The following CDC45 variants were observed in gnomAD, a reference collection of about 807,000 sequenced individuals.
CDC45 encodes cell division cycle 45.
CDC45 carries 54 observed loss-of-function variants against 77.8 expected under a neutral mutation model. The observed-to-expected ratio is 0.69, with a 90% CI of 0.56 to 0.87. The LOEUF (loss-of-function observed/expected upper bound fraction) is 0.87, where lower values mean the gene tolerates loss of function less well. Ranked by LOEUF, CDC45 falls within the 40% of genes least tolerant of loss-of-function variation. The pLI is 0.00. For missense variants in CDC45, 649 were observed against 721.6 expected (o/e 0.90, Z 1.15); for synonymous variants, 260 against 272.1 (o/e 0.96, Z 0.44).
At chr22:19,516,792 C>T in intron 16 of CDC45, 25 bp from the exon 17 acceptor site, 1 of 1,611,392 alleles carries the variant, frequency 6.2e-7, no homozygotes, top group Non-Finnish European at 8.5e-7. Context: ...CCGCCTGGCC[C>T]CCGACATGTC....
At chr22:19,489,329 T>TAAGAAAAAAAAAA (rs2090120279) in intron 5 of CDC45, among the ~76,000 whole-genome samples, 1 of 143,060 alleles carries the variant, frequency 7.0e-6, no homozygotes. Flanking sequence ...GGTATTGCTT[T>TAAGAAAAAAAAAA]AAAAAAAAAA....
At chr22:19,492,169 C>A (rs1431893649) in intron 5 of CDC45, among the ~76,000 whole-genome samples, 1 of 152,026 alleles carries the variant, frequency 6.6e-6, no homozygotes, top group Non-Finnish European at 1.5e-5. Context: ...TTCAGTGCAC[C>A]CTCTTTCTCC....
rs564311551 is a variant in CDC45 at position 19,480,027 on chromosome 22, C to T, written c.51+8C>T. The T allele has an allele frequency of 1.5e-5, 25 of 1,613,946 alleles. No homozygotes were observed. The South Asian group carries it at 1.9e-4, about 12-fold the overall frequency. ...GAGGTGGTCCAGAGCCAGGTGACGC[C>T]CAGTCCGGGACCCCCGCCGAGGCCT... On this transcript the variant is annotated splice_region_variant and intron_variant, in intron 1 of 18. Coordinates refer to ENST00000263201, the MANE Select transcript of CDC45 (RefSeq NM_003504.5).
intron 17 of CDC45, 49 bp from the exon 18 acceptor site, chr22:19,518,795 G>A (rs1278703879): frequency 2.0e-6 from 3 of 1,488,998 alleles, no homozygotes; most frequent in East Asian, 2.3e-5. Context: ...GCCCTGTCTT[G>A]TGTTCCCACT....
intron 13 of CDC45, among the ~76,000 whole-genome samples, chr22:19,512,040 C>CA (rs1046401976): frequency 2.6e-5 from 4 of 152,036 alleles, no homozygotes; most frequent in Non-Finnish European, 5.9e-5. Flanking sequence ...AGGCATGTGC[C>CA]ACTGCACCTG....
chr22:19,484,208 A>G (rs1277632130), intron 5 of CDC45, among the ~76,000 whole-genome samples: 1 of 152,236 alleles, frequency 6.6e-6, no homozygotes, highest in East Asian at 1.9e-4. Context: ...ATAGTGGCTT[A>G]TCTGTCCAAT....
chr22:19,505,304 G>A, intron 9 of CDC45, 58 bp from the exon 10 acceptor site: 1 of 1,612,048 alleles, frequency 6.2e-7, no homozygotes, highest in African/African-American at 1.3e-5. Flanking sequence ...CCTAGGCTTA[G>A]GCTGCCTGGT....
At chr22:19,494,566 G>T in intron 6 of CDC45, 184 bp downstream of exon 6, 1 of 1,549,120 alleles carries the variant, frequency 6.5e-7, no homozygotes. Flanking sequence ...TTGTTCGCCG[G>T]TCCCATGAGT....
At chr22:19,479,803 C>A, upstream of CDC45, 2 of 713,958 alleles carry the variant, frequency 2.8e-6, no homozygotes, top group Non-Finnish European at 4.8e-6. Flanking sequence ...CGCTAATGGC[C>A]GCCTCCAATG....
At chr22:19,504,630 G>A (rs924969172) in intron 9 of CDC45, among the ~76,000 whole-genome samples, 1 of 152,126 alleles carries the variant, frequency 6.6e-6, no homozygotes, top group African/African-American at 2.4e-5. Flanking sequence ...ACTGGAGGGT[G>A]AGGGGCTGGA....
At position 19,501,329 on chromosome 22, in the gene CDC45, T is replaced by C. The variant is rs1046776791; in HGVS notation, c.704+2178T>C. Among the ~76,000 whole-genome samples, 4 of 152,314 alleles carry C rather than the reference T, an allele frequency of 2.6e-5. No homozygotes were observed. In the East Asian group the frequency reaches 7.7e-4, roughly 29 times the overall value. ...GTGGCCACTGGGCTCCATTGAAATA[T>C]GGGCTGTTGCTGGTGCCCTGCCTGT... On this transcript the variant is annotated intron_variant, in intron 9 of 18. Coordinates refer to ENST00000263201, the MANE Select transcript of CDC45 (RefSeq NM_003504.5).
At chr22:19,482,579 GC>G (rs1601918982) in intron 3 of CDC45, 110 bp from the exon 4 acceptor site, 3 of 1,202,564 alleles carry the variant, frequency 2.5e-6, no homozygotes, top group Non-Finnish European at 3.5e-6. Context: ...CGTGGGCCTC[GC>G]CACATGTCAG....
Position 19,508,686 on chromosome 22 carries a change from C to T in CDC45, c.1212C>T (p.Leu404=). 1.2e-6 allele frequency: 2 copies of T among 1,613,902 alleles called. No homozygotes were observed. The highest frequency in any genetic ancestry group is 1.7e-4 in the Middle Eastern group (1 of 6,018). The change falls in exon 13 of 19, where the codon CTC becomes CTT. Residue 404 remains leucine (L), a synonymous_variant. Coordinates refer to ENST00000263201, the MANE Select transcript of CDC45 (RefSeq NM_003504.5). ...ACTTCATCCAGGCTCTGGACAGCCT[C>T]TCCAGGTAGCAGGAGGGCTGTGGGT... is the stretch of plus-strand genomic sequence containing the variant. ...TDHFIQALDS[L]SRSNLDKLYH...
chr22:19,485,587 G>T (rs2090054155), intron 5 of CDC45, among the ~76,000 whole-genome samples: 1 of 152,204 alleles, frequency 6.6e-6, no homozygotes, highest in Non-Finnish European at 1.5e-5. Flanking sequence ...AAGGTAGGTT[G>T]TCTTGATGAG....
chr22:19,515,785 T>C (rs143834267), intron 15 of CDC45, among the ~76,000 whole-genome samples: 2 of 152,278 alleles, frequency 1.3e-5, no homozygotes, highest in Non-Finnish European at 2.9e-5. Flanking sequence ...TGACGTGAGG[T>C]AGATGATCTG....
chr22:19,483,978 T>C lies in CDC45; in HGVS notation c.459T>C (p.Pro153=). The C allele has an allele frequency of 1.2e-6, 2 of 1,610,314 alleles. No individual in the cohort carries two copies. The highest frequency in any genetic ancestry group is 1.7e-6 in the Non-Finnish European group (2 of 1,179,228). Residue 153 remains proline (P), a synonymous_variant, in exon 5 of 19, where the codon CCT becomes CCC. Coordinates refer to ENST00000263201, the MANE Select transcript of CDC45 (RefSeq NM_003504.5). ...HSGNDSDGSE[P]SEKRTRLEEE... is the part of the protein sequence containing the mutation. ...GAAATGACAGTGATGGGTCAGAGCC[T>C]TCTGAGAAGCGCACACGGTTAGAAG...
At chr22:19,493,786 A>G (rs1389170289) in intron 5 of CDC45, among the ~76,000 whole-genome samples, 1 of 152,174 alleles carries the variant, frequency 6.6e-6, no homozygotes, top group African/African-American at 2.4e-5. Flanking sequence ...GGTATATTTA[A>G]TGAATGTATG....
chr22:19,507,717 G>A, intron 11 of CDC45, 49 bp from the exon 12 acceptor site: 2 of 1,456,198 alleles, frequency 1.4e-6, no homozygotes, highest in Non-Finnish European at 1.9e-6. Flanking sequence ...TTTCCACCCT[G>A]TCGGTGTGTG....
At chr22:19,483,372 C>T (rs984838718) in intron 4 of CDC45, among the ~76,000 whole-genome samples, 1 of 152,100 alleles carries the variant, frequency 6.6e-6, no homozygotes, top group East Asian at 1.9e-4. Flanking sequence ...GCAGAGCTTG[C>T]AGTGAGCCGA....
Sources: gnomAD v4.1 joint callset for allele counts (sites outside exome capture counted in the v4.1 genomes callset) on GRCh38, gnomAD v4.1.1 for gene constraint, MANE v1.5 for transcripts, NCBI Gene and HGNC (gene_info 2026-07-23, HGNC 2026-07-21) for gene names.